The following RAB28 variants were observed in gnomAD, a reference collection of about 807,000 sequenced individuals.
The protein encoded by RAB28 is RAB28, member RAS oncogene family.
In RAB28, 24 loss-of-function variants were observed where a neutral mutation model predicts 31.7. The observed-to-expected ratio is 0.76, with a 90% CI of 0.55 to 1.06. RAB28 has a LOEUF of 1.06. Among genes scored for constraint, RAB28 ranks in the 50% least tolerant of loss-of-function variants. The pLI, the probability that RAB28 is intolerant of heterozygous loss-of-function variation, is 0.00. For synonymous variants in RAB28, 100 were observed against 90.4 expected (o/e 1.11, Z -0.60); for missense variants, 254 against 258.5 (o/e 0.98, Z 0.12).
At chr4:13,393,452 T>C (rs1235365647) in intron 4 of RAB28, among the ~76,000 whole-genome samples, 1 of 152,202 alleles carries the variant, frequency 6.6e-6, no homozygotes, top group Non-Finnish European at 1.5e-5. Flanking sequence ...ACTCACATAT[T>C]CCAGCTTACC....
intron 4 of RAB28, among the ~76,000 whole-genome samples, chr4:13,406,630 T>C (rs1712107619): frequency 6.6e-6 from 1 of 152,158 alleles, no homozygotes; most frequent in Admixed American, 6.5e-5. Flanking sequence ...AGTGTAAAAG[T>C]GTTCCTATTT....
chr4:13,367,855 T>C lies in RAB28; in HGVS notation c.*703A>G. 2.0e-6 allele frequency: 2 copies of C among 985,024 alleles called. No individual in the cohort carries two copies. Among genetic ancestry groups the C allele is most frequent in the Non-Finnish European group, 2.4e-6 (2 of 829,582 alleles). The allele number at this position is 985,024 out of a possible 1,614,324, so 61.0% of individuals were successfully genotyped here. A position where few individuals can be genotyped will look rare whatever the true frequency, so the allele number is the denominator to read the frequency against. On this transcript the variant is annotated 3_prime_UTR_variant, in exon 7 of 7. Transcript: ENST00000330852. The stretch of plus-strand genomic sequence containing the variant: ...GAGAAATTCCACGTGGAGCATCAGC[T>C]GAACATTTATCAGAATTCAGAAAGC...
In RAB28 at chr4:13,389,731, GTTTA is replaced by G. The variant is rs1271372469; in HGVS notation, c.392-8141_392-8138del. On this transcript the variant is annotated intron_variant, in intron 4 of 6. Transcript: ENST00000330852. Reference sequence around the variant, plus strand: ...CATGTTTTGTTTTTATTTCATTGAGGTTTACAGCTTTTATTCAGAAGCAACAAAT... The same window carrying G: ...CATGTTTTGTTTTTATTTCATTGAGGCAGCTTTTATTCAGAAGCAACAAAT... Among the ~76,000 whole-genome samples the G allele has an allele frequency of 2.0e-5, 3 of 151,916 alleles. No homozygotes were observed. In the East Asian group the frequency reaches 5.8e-4, roughly 29 times the overall value.
intron 4 of RAB28, among the ~76,000 whole-genome samples, chr4:13,452,915 T>C (rs1368945888): frequency 1.3e-5 from 2 of 152,232 alleles, no homozygotes; most frequent in East Asian, 3.8e-4. Context: ...TCTCTACCTT[T>C]AGATTTAATA....
At chr4:13,483,057 T>C (rs1472952716) in intron 1 of RAB28, among the ~76,000 whole-genome samples, 1 of 152,150 alleles carries the variant, frequency 6.6e-6, no homozygotes. Flanking sequence ...ACTTTAGCAA[T>C]ATTCCCAGAA....
At chr4:13,368,778 T>G in intron 6 of RAB28, 128 bp from the exon 7 acceptor site, 1 of 741,734 alleles carries the variant, frequency 1.3e-6, no homozygotes. Context: ...GAAGCAGGAG[T>G]TGATATTAAA....
At chr4:13,450,905 G>A (rs1383101098) in intron 4 of RAB28, among the ~76,000 whole-genome samples, 5 of 151,830 alleles carry the variant, frequency 3.3e-5, no homozygotes, top group African/African-American at 1.2e-4. Context: ...CACTTATAAT[G>A]GGCGAAGAAG....
At chr4:13,461,148 G>A (rs1715572121) in intron 3 of RAB28, among the ~76,000 whole-genome samples, 1 of 152,182 alleles carries the variant, frequency 6.6e-6, no homozygotes, top group South Asian at 2.1e-4. Flanking sequence ...CAAAGAAGTA[G>A]AAAAGGCTAC....
At chr4:13,449,105 A>G (rs1238752671) in intron 4 of RAB28, among the ~76,000 whole-genome samples, 1 of 151,968 alleles carries the variant, frequency 6.6e-6, no homozygotes, top group Admixed American at 6.5e-5. Context: ...TCCCCGAAAA[A>G]GTTTCTGTTT....
intron 3 of RAB28, among the ~76,000 whole-genome samples, chr4:13,461,770 T>A (rs139650758): frequency 1.3e-3 from 193 of 152,322 alleles, no homozygotes; most frequent in African/African-American, 4.6e-3. Context: ...TACAAAGCTC[T>A]ACATACAGTA....
chr4:13,460,649 C>T (rs1005166279), intron 4 of RAB28, 50 bp downstream of exon 4: 6 of 1,609,784 alleles, frequency 3.7e-6, no homozygotes, highest in South Asian at 1.1e-5. Context: ...ACATTCTGTC[C>T]ACAACAGCAA....
At chr4:13,454,026 T>A (rs1715154158) in intron 4 of RAB28, among the ~76,000 whole-genome samples, 1 of 152,164 alleles carries the variant, frequency 6.6e-6, no homozygotes, top group Admixed American at 6.5e-5. Flanking sequence ...TTCTTCATTT[T>A]TTTTCTTTTT....
chr4:13,455,545 C>A (rs545091710), intron 4 of RAB28, among the ~76,000 whole-genome samples: 25 of 152,278 alleles, frequency 1.6e-4, no homozygotes, highest in African/African-American at 5.5e-4. Flanking sequence ...CTACTGACCC[C>A]CAGAAGAGTG....
chr4:13,368,616 T>C lies in RAB28; in HGVS notation c.608A>G (p.Gln203Arg), dbSNP rs768710380. Residue 203 changes from glutamine to arginine, a missense_variant, in exon 7 of 7, where the codon CAG becomes CGG. Gln to Arg is a conservative substitution (Grantham distance 43). Transcript: ENST00000330852. The stretch of plus-strand genomic sequence containing the variant: ...GTTAACAGTCCTTGACATAGGTTCC[T>C]GGTTGTAGTTTACAATATCTGCCTT... ...VVKADIVNYN[Q>R]EPMSRTVNPP... The C allele has an allele frequency of 1.3e-5, 21 of 1,612,450 alleles. No homozygotes were observed.
intron 2 of RAB28, among the ~76,000 whole-genome samples, chr4:13,477,674 G>C (rs1236244960): frequency 2.0e-5 from 3 of 150,186 alleles, no homozygotes; most frequent in Non-Finnish European, 4.5e-5. Flanking sequence ...TTTTTTTCTG[G>C]AACTTTGCCA....
At chr4:13,447,730 T>C (rs183839244) in intron 4 of RAB28, among the ~76,000 whole-genome samples, 30 of 152,278 alleles carry the variant, frequency 2.0e-4, no homozygotes, top group African/African-American at 7.2e-4. Context: ...TTAATAGCTA[T>C]ATTTATTATG....
At chr4:13,421,280 T>C (rs1222028338) in intron 4 of RAB28, among the ~76,000 whole-genome samples, 2 of 152,104 alleles carry the variant, frequency 1.3e-5, no homozygotes, top group Non-Finnish European at 2.9e-5. Flanking sequence ...GGAAGAACAA[T>C]CCATGCTCAT....
chr4:13,448,915 C>T (rs1714833217), intron 4 of RAB28, among the ~76,000 whole-genome samples: 1 of 151,428 alleles, frequency 6.6e-6, no homozygotes, highest in African/African-American at 2.4e-5. Flanking sequence ...AAAGAAAAAG[C>T]AGCAGCAGCA....
At chr4:13,422,288 G>A (rs930335407) in intron 4 of RAB28, among the ~76,000 whole-genome samples, 36 of 152,272 alleles carry the variant, frequency 2.4e-4, no homozygotes, top group Admixed American at 2.3e-3. Flanking sequence ...GAACGCTTTT[G>A]CACTGTTGGT....
Sources: gnomAD v4.1 joint callset for allele counts (sites outside exome capture counted in the v4.1 genomes callset) on GRCh38, gnomAD v4.1.1 for gene constraint, MANE v1.5 for transcripts, NCBI Gene and HGNC (gene_info 2026-07-23, HGNC 2026-07-21) for gene names.